The following HCLS1 variants were observed in gnomAD, a reference collection of about 807,000 sequenced individuals.
The protein encoded by HCLS1 is hematopoietic lineage cell-specific protein.
Under a neutral mutation model 68.6 loss-of-function variants are expected in HCLS1, and 44 were observed. That is an observed-to-expected ratio of 0.64 (90% CI 0.50 to 0.82). The LOEUF (loss-of-function observed/expected upper bound fraction) is 0.82. Ranked by LOEUF, HCLS1 falls within the 40% of genes least tolerant of loss-of-function variation. HCLS1 has a pLI of 0.00. For synonymous variants in HCLS1, 217 were observed against 225.8 expected (o/e 0.96, Z 0.35); for missense variants, 602 against 612.1 (o/e 0.98, Z 0.17).
chr3:121,631,681 C>A lies in HCLS1; in HGVS notation c.*165G>T. The A allele has an allele frequency of 1.5e-6, 1 of 663,704 alleles. No homozygotes were observed. Among genetic ancestry groups the A allele is most frequent in the Non-Finnish European group, 2.5e-6 (1 of 392,630 alleles). The allele number at this position is 663,704 out of a possible 1,614,324, so 41.1% of individuals were successfully genotyped here. A position where few individuals can be genotyped will look rare whatever the true frequency, so the allele number is the denominator to read the frequency against. On this transcript the variant is annotated 3_prime_UTR_variant, in exon 14 of 14. Transcript: ENST00000314583. ...AGAGAGGACTCTTGGGGAAGGGGAC[C>A]TCCTTCCCCATGCTGTCTCTGCCCC...
intron 4 of HCLS1, 96 bp from the exon 5 acceptor site, chr3:121,645,024 C>A: frequency 1.1e-6 from 1 of 920,422 alleles, no homozygotes; most frequent in South Asian, 1.4e-5. Flanking sequence ...GTAAGAAATT[C>A]CATTCTGGGT....
At position 121,632,450 on chromosome 3, in the gene HCLS1, A is replaced by AGGCTCGGGCTCG. The variant is rs774997333; in HGVS notation, c.1121_1122insCGAGCCCGAGCC (p.Pro372_Glu375dup). The AGGCTCGGGCTCG allele has an allele frequency of 6.2e-7, 1 of 1,612,846 alleles. No homozygotes were observed. The highest frequency in any genetic ancestry group is 8.5e-7 in the Non-Finnish European group (1 of 1,179,130). ...CCTCAACGTCCTCATAGTCATTCTCAGGCTCGGGCTCAGGCTCGGGCTCAG... is the reference window on the plus strand; with the variant it reads ...CCTCAACGTCCTCATAGTCATTCTCAGGCTCGGGCTCGGGCTCGGGCTCAGGCTCGGGCTCAG... On this transcript the variant is annotated inframe_insertion, in exon 12 of 14. Coordinates refer to ENST00000314583, the MANE Select transcript of HCLS1 (RefSeq NM_005335.6).
At chr3:121,658,727 A>G (rs79173165) in intron 1 of HCLS1, among the ~76,000 whole-genome samples, 7,061 of 152,238 alleles carry the variant, frequency 0.046, 220 homozygotes, top group Non-Finnish European at 0.06. Flanking sequence ...ATATCCCTAG[A>G]ATTATGGCCT....
intron 3 of HCLS1, among the ~76,000 whole-genome samples, chr3:121,648,971 A>T (rs541393864): frequency 1.3e-4 from 20 of 152,264 alleles, no homozygotes; most frequent in African/African-American, 4.8e-4. Context: ...AGATCAAGAA[A>T]ATGGGGCCAA....
intron 3 of HCLS1, among the ~76,000 whole-genome samples, chr3:121,653,002 G>A (rs763032767): frequency 1.3e-5 from 2 of 152,236 alleles, no homozygotes; most frequent in South Asian, 2.1e-4. Flanking sequence ...CATCCCAAAC[G>A]CTTGGGACCA....
intron 3 of HCLS1, chr3:121,655,462 C>CTTTTTTTTTTTTTTTTTTTTTTTTTTTTT (rs1181452367): frequency 4.0e-5 from 2 of 50,066 alleles, no homozygotes; most frequent in Non-Finnish European, 3.8e-5. Context: ...GTTGCTTGCT[C>CTTTTTTTTTTTTTTTTTTTTTTTTTTTTT]TTTTTTTTTT....
At chr3:121,641,795 A>C (rs2049201187) in intron 6 of HCLS1, among the ~76,000 whole-genome samples, 2 of 152,170 alleles carry the variant, frequency 1.3e-5, no homozygotes, top group Non-Finnish European at 2.9e-5. Flanking sequence ...AAACTTGATC[A>C]ATATGGCCAG....
chr3:121,637,312 A>G lies in HCLS1; in HGVS notation c.455-56T>C, dbSNP rs1375360302. 3.4e-6 allele frequency: 4 copies of G among 1,181,462 alleles called. No individual in the cohort carries two copies. The Admixed American group carries it at 5.1e-5, about 15-fold the overall frequency. The allele number at this position is 1,181,462 out of a possible 1,614,324, so 73.2% of individuals were successfully genotyped here. A position where few individuals can be genotyped will look rare whatever the true frequency, so the allele number is the denominator to read the frequency against. ...ACCCTTAGGCTCCAGCACACAGGGA[A>G]GCGCTGGAGAAGAGAGGTCAGCAGG... On this transcript the variant is annotated intron_variant, in intron 6 of 13. Transcript: ENST00000314583.
intron 6 of HCLS1, among the ~76,000 whole-genome samples, chr3:121,642,072 T>A (rs1576463966): frequency 1.1e-5 from 1 of 95,104 alleles, no homozygotes; most frequent in South Asian, 3.8e-4. Flanking sequence ...AGAGCCAGAC[T>A]CCGTCGCAAA....
rs546269380 is a variant in HCLS1 at position 121,645,310 on chromosome 3, G to A, written c.289-382C>T. Among the ~76,000 whole-genome samples, 77 of 152,210 alleles carry A rather than the reference G, an allele frequency of 5.1e-4. 1 individual carries two copies. The highest frequency in any genetic ancestry group is 1.1e-3 in the Admixed American group (17 of 15,298). Reference sequence around the variant, plus strand: ...GGAGGAGAGACCAAGGGGACTGACCGGACGCCATAGCCGGGATGGAATATT... The same window carrying A: ...GGAGGAGAGACCAAGGGGACTGACCAGACGCCATAGCCGGGATGGAATATT... On this transcript the variant is annotated intron_variant, in intron 4 of 13. Coordinates refer to ENST00000314583, the MANE Select transcript of HCLS1 (RefSeq NM_005335.6).
intron 9 of HCLS1, 137 bp from the exon 10 acceptor site, chr3:121,634,555 G>C: frequency 2.5e-6 from 2 of 787,090 alleles, no homozygotes; most frequent in African/African-American, 1.7e-5. Flanking sequence ...AAGAGGTATC[G>C]ATAGAGGAAC....
At chr3:121,659,204 C>T (rs1937937923) in intron 1 of HCLS1, among the ~76,000 whole-genome samples, 2 of 152,154 alleles carry the variant, frequency 1.3e-5, no homozygotes, top group Admixed American at 1.3e-4. Flanking sequence ...GGAAGGGTGC[C>T]AAACTTATTC....
chr3:121,646,374 T>TATAATAGTATA (rs1937604911), intron 4 of HCLS1, among the ~76,000 whole-genome samples: 1 of 48,588 alleles, frequency 2.1e-5, no homozygotes, highest in South Asian at 6.1e-4. Context: ...TTACATATTA[T>TATAATAGTATA]TACTATGTAA....
In HCLS1 at chr3:121,636,443, T is replaced by C. The variant is rs1174752535; in HGVS notation, c.612A>G (p.Arg204=). Residue 204 remains arginine, a synonymous_variant, in exon 8 of 14, where the codon CGA becomes CGG. Transcript: ENST00000314583. ...TGTTCCGGTGCTTTACCTTATCCACTCGGTCCTTCTGGATTCCATACTGGC... is the reference window on the plus strand; with the variant it reads ...TGTTCCGGTGCTTTACCTTATCCACCCGGTCCTTCTGGATTCCATACTGGC... ...FGGQYGIQKD[R]VDKSAVGFNE... 2.0e-5 allele frequency: 33 copies of C among 1,612,934 alleles called. No individual in the cohort carries two copies. Among genetic ancestry groups the C allele is most frequent in the Non-Finnish European group, 2.3e-5 (27 of 1,179,046 alleles).
intron 8 of HCLS1, 107 bp downstream of exon 8, chr3:121,636,327 C>G: frequency 1.1e-6 from 1 of 909,686 alleles, no homozygotes. Context: ...CTCTGTGTGC[C>G]CAGCACCACC....
At chr3:121,646,270 AAT>A (rs1363129889) in intron 4 of HCLS1, among the ~76,000 whole-genome samples, 6 of 113,240 alleles carry the variant, frequency 5.3e-5, no homozygotes, top group Non-Finnish European at 9.7e-5. Context: ...AAAAATATAT[AAT>A]ATATATTATA....
At chr3:121,635,652 G>T in intron 9 of HCLS1, 83 bp downstream of exon 9, 1 of 1,060,412 alleles carries the variant, frequency 9.4e-7, no homozygotes, top group Non-Finnish European at 1.5e-6. Context: ...GGTAGTTAAA[G>T]GCATGGAGGA....
At chr3:121,654,302 C>T (rs777690862) in intron 3 of HCLS1, 7 of 152,136 alleles carry the variant, frequency 4.6e-5, no homozygotes, top group Non-Finnish European at 5.9e-5. Flanking sequence ...CTGACAACAT[C>T]GTGATTTTAT....
Position 121,631,861 on chromosome 3 carries a change from G to A in HCLS1, c.1446C>T (p.Val482=), listed in dbSNP as rs761486488. The A allele has an allele frequency of 1.2e-6, 2 of 1,614,132 alleles. No individual in the cohort carries two copies. The highest frequency in any genetic ancestry group is 1.7e-6 in the Non-Finnish European group (2 of 1,180,016). Residue 482 remains valine, a synonymous_variant, in exon 14 of 14, where the codon GTC becomes GTT. Transcript: ENST00000314583. Reference sequence around the variant, plus strand: ...TGAGCTCTAGTCACTCCAGAAGCTTGACATAATTTGCAGGGAAGAGTCCAA... The same window carrying A: ...TGAGCTCTAGTCACTCCAGAAGCTTAACATAATTTGCAGGGAAGAGTCCAA... The part of the protein sequence containing the change: ...GHFGLFPANY[V]KLLE
Sources: allele counts gnomAD v4.1 joint callset (sites outside exome capture counted in the v4.1 genomes callset), GRCh38; gene constraint gnomAD v4.1.1; transcripts MANE v1.5; gene names NCBI Gene and HGNC (gene_info 2026-07-23, HGNC 2026-07-21).